The following SLC4A4 variants were observed in gnomAD, a reference collection of about 807,000 sequenced individuals.
SLC4A4 encodes solute carrier family 4 member 4.
A neutral mutation model predicts 111.5 loss-of-function variants in SLC4A4; 27 were observed. That is an observed-to-expected ratio of 0.24 (90% confidence interval 0.18 to 0.33). The LOEUF (loss-of-function observed/expected upper bound fraction) is 0.33, where lower values mean the gene tolerates loss of function less well. SLC4A4 is among the 10% of genes least tolerant of loss of function. SLC4A4 has a pLI of 1.00. For synonymous variants in SLC4A4, 443 were observed against 463.4 expected, an observed-to-expected ratio of 0.96 and a Z score of 0.57; for missense variants, 909 against 1,315.5, an observed-to-expected ratio of 0.69 and a Z score of 4.78.
chr4:71,311,703 A>G (rs1470622418), intron 3 of SLC4A4, among the ~76,000 whole-genome samples: 2 of 152,228 alleles, frequency 1.3e-5, no homozygotes, highest in Non-Finnish European at 2.9e-5. Flanking sequence ...AGGGAAATTT[A>G]TAGCACTCAA....
intron 3 of SLC4A4, among the ~76,000 whole-genome samples, chr4:71,311,693 A>G (rs1419820304): frequency 6.6e-6 from 1 of 152,244 alleles, no homozygotes; most frequent in African/African-American, 2.4e-5. Context: ...CAGTGTTTAG[A>G]GGGAAATTTA....
chr4:71,170,061 C>T (rs1334117989), intron 2 of SLC4A4, among the ~76,000 whole-genome samples: 3 of 152,332 alleles, frequency 2.0e-5, no homozygotes, highest in Non-Finnish European at 4.4e-5. Flanking sequence ...CATTCCCCAA[C>T]ATGCTCTGCA....
chr4:71,331,231 G>C (rs1200126439), intron 3 of SLC4A4, among the ~76,000 whole-genome samples: 1 of 152,164 alleles, frequency 6.6e-6, no homozygotes, highest in Non-Finnish European at 1.5e-5. Context: ...CCATTACTGG[G>C]TATATACCCA....
At chr4:71,161,656 T>C (rs1212071320) in intron 2 of SLC4A4, among the ~76,000 whole-genome samples, 1 of 152,200 alleles carries the variant, frequency 6.6e-6, no homozygotes, top group Non-Finnish European at 1.5e-5. Context: ...TACTGAGCAG[T>C]GTTTGACACA....
intron 2 of SLC4A4, among the ~76,000 whole-genome samples, chr4:71,146,860 A>G (rs1411971810): frequency 6.6e-6 from 1 of 152,158 alleles, no homozygotes; most frequent in Non-Finnish European, 1.5e-5. Context: ...CTAACATCAT[A>G]ATGACAGGAT....
chr4:71,432,522 T>A (rs73828149), intron 7 of SLC4A4, among the ~76,000 whole-genome samples: 1,859 of 152,272 alleles, frequency 0.012, 40 homozygotes, highest in African/African-American at 0.038. Flanking sequence ...TAAATTTTTT[T>A]AAAAATATTA....
At chr4:71,118,480 T>C (rs1743333020) in intron 2 of SLC4A4, among the ~76,000 whole-genome samples, 1 of 152,212 alleles carries the variant, frequency 6.6e-6, no homozygotes, top group Non-Finnish European at 1.5e-5. Flanking sequence ...TAGATTTATG[T>C]ACTTATCACT....
At chr4:71,538,287 A>T (rs4694096) in intron 18 of SLC4A4, among the ~76,000 whole-genome samples, 147,276 of 152,232 alleles carry the variant, frequency 0.97, 71,466 homozygotes, top group Middle Eastern at 1. Context: ...AGACATTTTT[A>T]ATCTTATTTT....
intron 6 of SLC4A4, among the ~76,000 whole-genome samples, chr4:71,381,723 A>AC (rs760288659): frequency 2.6e-5 from 4 of 151,676 alleles, no homozygotes; most frequent in African/African-American, 4.8e-5. Context: ...TACCAGTTAG[A>AC]CCTTTTTTTT....
chr4:71,495,924 T>C (rs1034647987), intron 15 of SLC4A4, among the ~76,000 whole-genome samples: 1 of 152,066 alleles, frequency 6.6e-6, no homozygotes, highest in African/African-American at 2.4e-5. Flanking sequence ...TTTAGATAGG[T>C]ACAATTTTGA....
At chr4:71,131,162 T>TAACAAC in intron 2 of SLC4A4, among the ~76,000 whole-genome samples, 1 of 152,364 alleles carries the variant, frequency 6.6e-6, no homozygotes, top group South Asian at 2.1e-4. Context: ...AGTGGGGATC[T>TAACAAC]GTCTGTCCAT....
At chr4:71,452,053 G>A (rs1393394279) in intron 11 of SLC4A4, among the ~76,000 whole-genome samples, 3 of 151,694 alleles carry the variant, frequency 2.0e-5, no homozygotes, top group Non-Finnish European at 4.4e-5. Flanking sequence ...AATTTTAAGT[G>A]GGATACTTAT....
At chr4:71,328,631 A>T (rs1578846339) in intron 3 of SLC4A4, among the ~76,000 whole-genome samples, 1 of 152,052 alleles carries the variant, frequency 6.6e-6, no homozygotes, top group South Asian at 2.1e-4. Flanking sequence ...TTTAAGAAAG[A>T]TCTGTTCAGA....
intron 2 of SLC4A4, among the ~76,000 whole-genome samples, chr4:71,137,980 T>G (rs1466198): frequency 1 from 152,239 of 152,248 alleles, 76,115 homozygotes; most frequent in Non-Finnish European, 1. Flanking sequence ...GTTGATATTG[T>G]GCCCTAATCA....
chr4:71,096,415 A>C (rs1742552344), intron 2 of SLC4A4, among the ~76,000 whole-genome samples: 1 of 152,166 alleles, frequency 6.6e-6, no homozygotes, highest in Non-Finnish European at 1.5e-5. Flanking sequence ...GAAGATGAGA[A>C]GGACAGTTCA....
At chr4:71,457,877 A>G (rs150730963) in intron 12 of SLC4A4, among the ~76,000 whole-genome samples, 1 of 152,258 alleles carries the variant, frequency 6.6e-6, no homozygotes, top group Admixed American at 6.5e-5. Context: ...TTTATGTAGT[A>G]CCTTTGCACA....
At chr4:71,388,477 G>C (rs1005938915) in intron 6 of SLC4A4, among the ~76,000 whole-genome samples, 2 of 152,096 alleles carry the variant, frequency 1.3e-5, no homozygotes, top group Admixed American at 6.5e-5. Flanking sequence ...TAATGTATGT[G>C]TTTGTGAGAA....
intron 1 of SLC4A4, among the ~76,000 whole-genome samples, chr4:71,207,936 C>T (rs1379812479): frequency 5.9e-5 from 9 of 152,132 alleles, no homozygotes; most frequent in Non-Finnish European, 5.9e-5. Context: ...CCTCAGCCTC[C>T]TGAGTAGCTG....
chr4:71,177,431 C>T (rs1745130356), intron 2 of SLC4A4, among the ~76,000 whole-genome samples: 5 of 152,068 alleles, frequency 3.3e-5, no homozygotes. Context: ...ATTCAGGAAA[C>T]CCATCTCAGG....
Sources: gnomAD v4.1 joint callset for allele counts (sites outside exome capture counted in the v4.1 genomes callset) on GRCh38, gnomAD v4.1.1 for gene constraint, MANE v1.5 for transcripts, NCBI Gene and HGNC (gene_info 2026-07-23, HGNC 2026-07-21) for gene names.